Variants in FHIT observed in about 807,000 individuals in gnomAD.
FHIT encodes the protein bis(5'-adenosyl)-triphosphatase.
Under a neutral mutation model 17.9 loss-of-function variants are expected in FHIT, and 19 were observed. The ratio of observed to expected loss-of-function variants is 1.06; its 90% CI spans 0.74 to 1.56. The LOEUF (loss-of-function observed/expected upper bound fraction) is 1.56. Among genes scored for constraint, FHIT ranks in the 40% most tolerant of loss-of-function variants. FHIT has a pLI of 0.00. For missense variants in FHIT, 248 were observed against 189.2 expected, an observed-to-expected ratio of 1.31 and a Z score of -1.82; for synonymous variants, 81 against 69.7, an observed-to-expected ratio of 1.16 and a Z score of -0.81.
intron 5 of FHIT, among the ~76,000 whole-genome samples, chr3:60,506,210 G>T (rs1383672150): frequency 6.6e-6 from 1 of 152,090 alleles, no homozygotes; most frequent in East Asian, 1.9e-4. Flanking sequence ...ACAAACACTG[G>T]TTACATAGCA....
chr3:61,006,863 T>A (rs1043316597), intron 3 of FHIT, among the ~76,000 whole-genome samples: 1 of 152,154 alleles, frequency 6.6e-6, no homozygotes, highest in Non-Finnish European at 1.5e-5. Context: ...AGTTTAATAA[T>A]TTGATCTATA....
Position 60,261,308 on chromosome 3 carries a change from G to A in FHIT, c.104-247156C>T, listed in dbSNP as rs1267473580. ...CCAGTAACATATCCACGACAGGTGA[G>A]AAAAGAAAAACAAAAGACATATATA... On this transcript the variant is annotated intron_variant, in intron 5 of 9. Coordinates refer to ENST00000492590, the MANE Select transcript of FHIT (RefSeq NM_002012.4). Among the ~76,000 whole-genome samples the A allele has an allele frequency of 1.3e-5, 2 of 151,878 alleles. 1 individual carries two copies. Among genetic ancestry groups the A allele is most frequent in the Middle Eastern group, 6.3e-3 (2 of 316 alleles).
intron 1 of FHIT, among the ~76,000 whole-genome samples, chr3:61,236,306 C>T (rs1181492312): frequency 6.7e-6 from 1 of 149,138 alleles, no homozygotes; most frequent in Non-Finnish European, 1.5e-5. Context: ...ATAATAATAA[C>T]ACAGCATCAT....
intron 1 of FHIT, among the ~76,000 whole-genome samples, chr3:61,205,558 G>A (rs368710155): frequency 6.6e-6 from 1 of 151,970 alleles, no homozygotes; most frequent in Non-Finnish European, 1.5e-5. Context: ...TGATTTGCAT[G>A]TCTCTGATGG....
At chr3:61,198,895 CGATGATGATGAT>C (rs56054524) in intron 2 of FHIT, among the ~76,000 whole-genome samples, 23,493 of 150,612 alleles carry the variant, frequency 0.16, 2,179 homozygotes, top group African/African-American at 0.25. Flanking sequence ...CTGCCGCCGC[CGATGATGATGAT>C]GATGATGATG....
At chr3:60,352,956 C>T (rs1459603902) in intron 5 of FHIT, among the ~76,000 whole-genome samples, 1 of 152,160 alleles carries the variant, frequency 6.6e-6, no homozygotes, top group African/African-American at 2.4e-5. Flanking sequence ...TTATACCTCC[C>T]TTGGAGATCA....
At chr3:59,965,105 C>T (rs1244343621) in intron 7 of FHIT, among the ~76,000 whole-genome samples, 1 of 152,078 alleles carries the variant, frequency 6.6e-6, no homozygotes, top group East Asian at 1.9e-4. Flanking sequence ...GGAGAGTTTT[C>T]AGTCATGTAA....
chr3:60,547,828 C>T (rs76708576), intron 4 of FHIT, among the ~76,000 whole-genome samples: 10 of 152,102 alleles, frequency 6.6e-5, no homozygotes, highest in African/African-American at 1.9e-4. Flanking sequence ...GATAGGCAAC[C>T]TAACTTGTAG....
chr3:59,940,811 T>C (rs937936909), intron 7 of FHIT, among the ~76,000 whole-genome samples: 2 of 152,224 alleles, frequency 1.3e-5, no homozygotes, highest in Non-Finnish European at 2.9e-5. Context: ...GCACCGCCCC[T>C]GGCACCATTA....
intron 4 of FHIT, among the ~76,000 whole-genome samples, chr3:60,705,674 C>A (rs1209385853): frequency 6.6e-6 from 1 of 152,246 alleles, no homozygotes; most frequent in Non-Finnish European, 1.5e-5. Context: ...GAAGAACATA[C>A]TCCTGTAGGT....
intron 5 of FHIT, among the ~76,000 whole-genome samples, chr3:60,431,261 A>C (rs1265318350): frequency 1.3e-5 from 2 of 151,878 alleles, no homozygotes. Context: ...TATCCCTTAC[A>C]TGCAACATTC....
intron 3 of FHIT, among the ~76,000 whole-genome samples, chr3:60,951,820 G>A (rs1708896992): frequency 6.6e-6 from 1 of 152,128 alleles, no homozygotes; most frequent in African/African-American, 2.4e-5. Context: ...AGTTATAGCA[G>A]GATTGTTTTC....
At chr3:60,380,936 G>A (rs1700775156) in intron 5 of FHIT, among the ~76,000 whole-genome samples, 1 of 150,976 alleles carries the variant, frequency 6.6e-6, no homozygotes, top group Non-Finnish European at 1.5e-5. Context: ...GTTCCACTAT[G>A]CGAACATCAT....
At chr3:61,207,076 T>C (rs1412280544) in intron 1 of FHIT, among the ~76,000 whole-genome samples, 1 of 152,236 alleles carries the variant, frequency 6.6e-6, no homozygotes, top group African/African-American at 2.4e-5. Flanking sequence ...ATTGAGATAA[T>C]CATGTGGTTT....
chr3:60,869,506 T>C lies in FHIT; in HGVS notation c.-110-47495A>G, dbSNP rs775518297. ...ATCTCAGGTTTACCTGTCATAGTTCTAGCCACATGCAAGGAATGACTGCAT... is the reference window on the plus strand; with the variant it reads ...ATCTCAGGTTTACCTGTCATAGTTCCAGCCACATGCAAGGAATGACTGCAT... On this transcript the variant is annotated intron_variant, in intron 3 of 9. Coordinates refer to ENST00000492590, the MANE Select transcript of FHIT (RefSeq NM_002012.4). Among the ~76,000 whole-genome samples, 3 of 152,186 alleles carry C rather than the reference T, an allele frequency of 2.0e-5. No individual in the cohort carries two copies. The East Asian group carries it at 5.8e-4, about 29-fold the overall frequency.
chr3:60,250,620 G>A (rs1705655680), intron 5 of FHIT, among the ~76,000 whole-genome samples: 1 of 152,172 alleles, frequency 6.6e-6, no homozygotes, highest in African/African-American at 2.4e-5. Context: ...TGGCATTTAA[G>A]AGCTCTGCTA....
At chr3:60,065,152 T>G (rs1337586328) in intron 5 of FHIT, among the ~76,000 whole-genome samples, 1 of 152,076 alleles carries the variant, frequency 6.6e-6, no homozygotes, top group Non-Finnish European at 1.5e-5. Flanking sequence ...CTAGGAAGTT[T>G]GGAAAAATGA....
chr3:59,814,465 T>G (rs1163571110), intron 8 of FHIT, among the ~76,000 whole-genome samples: 2 of 152,192 alleles, frequency 1.3e-5, no homozygotes, highest in African/African-American at 4.8e-5. Flanking sequence ...AAAGCTTAAG[T>G]TTTTGGTTGT....
chr3:59,996,865 G>A (rs945711733), intron 7 of FHIT, among the ~76,000 whole-genome samples: 5 of 152,168 alleles, frequency 3.3e-5, no homozygotes, highest in Middle Eastern at 3.4e-3. Flanking sequence ...TGAAATGACA[G>A]AACCCCTGTA....
Sources: gnomAD v4.1 joint callset for allele counts (sites outside exome capture counted in the v4.1 genomes callset) on GRCh38, gnomAD v4.1.1 for gene constraint, MANE v1.5 for transcripts, NCBI Gene and HGNC (gene_info 2026-07-23, HGNC 2026-07-21) for gene names.